The following KDM4C variants were observed in gnomAD, a reference collection of about 807,000 sequenced individuals.
KDM4C encodes the protein lysine demethylase 4C, also known as lysine-specific demethylase 4C.
KDM4C carries 81 observed loss-of-function variants against 129.3 expected under a neutral mutation model. The observed-to-expected ratio is 0.63, with a 90% CI of 0.52 to 0.75. The LOEUF (loss-of-function observed/expected upper bound fraction) is 0.75. KDM4C is among the 30% of genes least tolerant of loss of function. KDM4C has a pLI of 0.00. For missense variants in KDM4C, 1,457 were observed against 1,304.0 expected, an observed-to-expected ratio of 1.12 and a Z score of -1.81; for synonymous variants, 573 against 456.1, an observed-to-expected ratio of 1.26 and a Z score of -3.26.
At chr9:6,959,513 A>G (rs1290831021) in intron 8 of KDM4C, among the ~76,000 whole-genome samples, 1 of 152,224 alleles carries the variant, frequency 6.6e-6, no homozygotes, top group Non-Finnish European at 1.5e-5. Context: ...TGATACACAG[A>G]AGCTACATAT....
chr9:6,877,162 CTG>C (rs1180564425), intron 5 of KDM4C, among the ~76,000 whole-genome samples: 1 of 152,130 alleles, frequency 6.6e-6, no homozygotes, highest in Non-Finnish European at 1.5e-5. Flanking sequence ...GATTCTGCCT[CTG>C]TAATGGTATG....
intron 19 of KDM4C, among the ~76,000 whole-genome samples, chr9:7,136,362 A>G (rs1188615644): frequency 3.3e-5 from 5 of 152,196 alleles, no homozygotes; most frequent in Non-Finnish European, 7.3e-5. Flanking sequence ...TGAGATTACT[A>G]AGTTATATGG....
chr9:7,110,945 A>C (rs1838253159), intron 18 of KDM4C, among the ~76,000 whole-genome samples: 1 of 152,200 alleles, frequency 6.6e-6, no homozygotes, highest in Non-Finnish European at 1.5e-5. Flanking sequence ...TTAGCACAAA[A>C]GTTAGTTATG....
intron 19 of KDM4C, among the ~76,000 whole-genome samples, chr9:7,160,995 G>A (rs1013707027): frequency 6.6e-6 from 1 of 152,136 alleles, no homozygotes; most frequent in African/African-American, 2.4e-5. Context: ...CCCAGTTCAA[G>A]CTTCCCAGCC....
intron 8 of KDM4C, among the ~76,000 whole-genome samples, chr9:6,904,827 A>ATTACTT (rs1818016997): frequency 6.6e-6 from 1 of 152,202 alleles, no homozygotes; most frequent in Admixed American, 6.5e-5. Flanking sequence ...ACGAGAGGAA[A>ATTACTT]AAGTAACTAA....
chr9:6,952,734 C>T (rs1247599727), intron 8 of KDM4C, among the ~76,000 whole-genome samples: 1 of 152,082 alleles, frequency 6.6e-6, no homozygotes, highest in Non-Finnish European at 1.5e-5. Context: ...AGCCACTGTG[C>T]CCGGCCCCAG....
chr9:6,925,106 G>A (rs1229456870), intron 8 of KDM4C: 22 of 985,416 alleles, frequency 2.2e-5, no homozygotes, highest in Non-Finnish European at 2.7e-5. Flanking sequence ...TACAGACCAT[G>A]CATTTTTCCT....
chr9:7,149,141 C>T (rs1278608854), intron 19 of KDM4C, among the ~76,000 whole-genome samples: 1 of 152,262 alleles, frequency 6.6e-6, no homozygotes, highest in Admixed American at 6.5e-5. Flanking sequence ...CTTGGCCTCA[C>T]TCCCGTGCTC....
chr9:7,082,135 C>T (rs781058194), intron 17 of KDM4C, among the ~76,000 whole-genome samples: 30 of 151,172 alleles, frequency 2.0e-4, no homozygotes, highest in Non-Finnish European at 4.0e-4. Context: ...AAGACTCTGA[C>T]TTGTTTGTGT....
intron 1 of KDM4C, among the ~76,000 whole-genome samples, chr9:6,765,382 C>G (rs1340569997): frequency 1.3e-5 from 2 of 152,110 alleles, no homozygotes; most frequent in Non-Finnish European, 2.9e-5. Context: ...AGAAACCTGA[C>G]CTGTTACTCA....
intron 8 of KDM4C, chr9:6,925,564 G>T (rs1822336780): frequency 1.0e-6 from 1 of 983,598 alleles, no homozygotes. Context: ...CCGAAGTTCT[G>T]GTACAAGTGG....
chr9:6,748,954 C>A (rs1315993637), intron 1 of KDM4C: 1 of 871,692 alleles, frequency 1.1e-6, no homozygotes, highest in African/African-American at 1.6e-5. Context: ...ACCTTCTGCA[C>A]TTTCTGGCCC....
At chr9:6,849,477 TTC>T (rs746015248) in intron 4 of KDM4C, 28 bp from the exon 5 acceptor site, 2 of 1,506,448 alleles carry the variant, frequency 1.3e-6, no homozygotes, top group Non-Finnish European at 9.0e-7. Flanking sequence ...AAGATTTGAT[TTC>T]TCTCTCTTTT....
intron 12 of KDM4C, among the ~76,000 whole-genome samples, chr9:7,009,799 G>T (rs1398863472): frequency 6.6e-6 from 1 of 152,042 alleles, no homozygotes; most frequent in Admixed American, 6.5e-5. Context: ...TTGACTCCTT[G>T]AACATCATTG....
chr9:6,768,462 C>T (rs1157803593), intron 1 of KDM4C, among the ~76,000 whole-genome samples: 2 of 151,994 alleles, frequency 1.3e-5, no homozygotes, highest in African/African-American at 4.8e-5. Context: ...CCTCACTCCT[C>T]AGTAACTCAA....
chr9:7,015,715 T>G (rs1823534189), intron 14 of KDM4C, 138 bp from the exon 15 acceptor site: 1 of 464,238 alleles, frequency 2.2e-6, no homozygotes, highest in Non-Finnish European at 3.9e-6. Flanking sequence ...TCACCTTGCT[T>G]ATGTTTTGTT....
Position 6,889,006 on chromosome 9 carries a change from C to T in KDM4C, c.783+943C>T, listed in dbSNP as rs961847694. ...GGTTTCACCGTTTTAGCCGGGATGG[C>T]CTCGATCTCCCGACCTCGTGATCCG... On this transcript the variant is annotated intron_variant, in intron 7 of 21. Transcript: ENST00000381309. 5.7e-4 allele frequency among the ~76,000 whole-genome samples: 19 copies of T among 33,554 alleles called. 3 individuals carry two copies. The highest frequency in any genetic ancestry group is 8.8e-4 in the Admixed American group (4 of 4,570). The allele number at this position is 33,554 out of a possible 152,430, so 22.0% of individuals were successfully genotyped here. A position where few individuals can be genotyped will look rare whatever the true frequency, so the allele number is the denominator to read the frequency against.
At chr9:6,930,691 T>C (rs1563833190) in intron 8 of KDM4C, among the ~76,000 whole-genome samples, 3 of 104,184 alleles carry the variant, frequency 2.9e-5, no homozygotes, top group African/African-American at 4.4e-5. Flanking sequence ...ATATATTAAT[T>C]ATTAACATAT....
rs149625333 is a variant in KDM4C at position 6,971,509 on chromosome 9, C to T, written c.922-9416C>T. Among the ~76,000 whole-genome samples the T allele has an allele frequency of 5.1e-3, 782 of 152,156 alleles. 7 individuals are homozygous for T. The highest frequency in any genetic ancestry group is 0.018 in the African/African-American group (738 of 41,502). ...TCTAGATTTTATCAGCGGTCTGTGC[C>T]CCTCGGGTAGTCAAGGAATTCTTTT... On this transcript the variant is annotated intron_variant, in intron 8 of 21. Transcript: ENST00000381309.
Sources: allele counts gnomAD v4.1 joint callset (sites outside exome capture counted in the v4.1 genomes callset), GRCh38; gene constraint gnomAD v4.1.1; transcripts MANE v1.5; gene names NCBI Gene and HGNC (gene_info 2026-07-23, HGNC 2026-07-21).